MGAM2: variants seen among roughly 807,000 people sequenced by gnomAD.
MGAM2 encodes the protein probable maltase-glucoamylase 2.
A neutral mutation model predicts 96.1 loss-of-function variants in MGAM2; 98 were observed. The observed-to-expected ratio is 1.02, with a 90% CI of 0.87 to 1.21. The LOEUF (loss-of-function observed/expected upper bound fraction) is 1.21. Ranked by LOEUF, MGAM2 falls within the 50% of genes most tolerant of loss-of-function variation. MGAM2 has a pLI of 0.00. For missense variants in MGAM2, 2,055 were observed against 1,182.4 expected (o/e 1.74, Z -10.82); for synonymous variants, 749 against 414.8 (o/e 1.81, Z -9.79).
chr7:142,118,013 T>C (rs746435739), intron 2 of MGAM2, among the ~76,000 whole-genome samples: 6 of 151,276 alleles, frequency 4.0e-5, no homozygotes, highest in Non-Finnish European at 7.4e-5. Context: ...GTTTTTATTG[T>C]GGTAAGAACA....
rs568455696 is a variant in MGAM2, at chr7:142,194,027, T to G, written c.4347-2127T>G. Among the ~76,000 whole-genome samples, 98 of 142,870 alleles carry G rather than the reference T, an allele frequency of 6.9e-4. 1 individual carries two copies. In the South Asian group the frequency reaches 0.02, roughly 29 times the overall value. The allele number at this position is 142,870 out of a possible 152,430, so 93.7% of individuals were successfully genotyped here. The stretch of plus-strand genomic sequence containing the variant: ...AAACCTGTCCTCCTGCAGTCTTTTC[T>G]TTCTTCTTCTTTTTTTTTTTTTTAA... On this transcript the variant is annotated intron_variant, in intron 37 of 47. Transcript: ENST00000477922.
At chr7:142,119,258 A>C (rs189363205) in intron 2 of MGAM2, among the ~76,000 whole-genome samples, 215 of 152,364 alleles carry the variant, frequency 1.4e-3, no homozygotes, top group Admixed American at 3.7e-3. Context: ...TAAATGAGTA[A>C]AACATTTAAA....
intron 32 of MGAM2, among the ~76,000 whole-genome samples, chr7:142,180,492 A>G (rs73547343): frequency 0.12 from 18,307 of 152,190 alleles, 1,528 homozygotes; most frequent in African/African-American, 0.24. Flanking sequence ...ACTTATGGCT[A>G]TAAACTTTCC....
Position 142,218,441 on chromosome 7 carries a change from G to C in MGAM2, c.5268G>C (p.Trp1756Cys). 1 of 702,574 alleles carries C rather than the reference G, an allele frequency of 1.4e-6. No homozygotes were observed. Among genetic ancestry groups the C allele is most frequent in the South Asian group, 1.5e-5 (1 of 67,540 alleles). 43.5% of individuals were successfully genotyped at this position (702,574 alleles called of 1,614,324 possible). ...NPLKVGYIRI[W>C]GVNTYVTQVS... ...TAAAAGTTGGGTATATTAGAATCTG[G>C]GGTGTGAATACCTATGTGACACAAG... Residue 1756 changes from tryptophan to cysteine, a missense_variant, in exon 47 of 48, where the codon TGG becomes TGC. By Grantham distance (215) the Trp-to-Cys change is radical (BLOSUM62 -2). Coordinates refer to ENST00000477922, the MANE Select transcript of MGAM2 (RefSeq NM_001293626.2).
Position 142,219,999 on chromosome 7 carries a change from T to C in MGAM2, c.5488T>C (p.Ser1830Pro), listed in dbSNP as rs1797870282. 2 of 702,710 alleles carry C rather than the reference T, an allele frequency of 2.8e-6. No individual in the cohort carries two copies. The highest frequency in any genetic ancestry group is 5.2e-6 in the Non-Finnish European group (2 of 384,944). The allele number at this position is 702,710 out of a possible 1,614,324, so 43.5% of individuals were successfully genotyped here. ...TACCATCCCAATGAGTTCTCATCCT[T>C]CTCCATCTACTACCAATGCCACCAG... ...TSTIPMSSHP[S>P]PSTTNATSSE... Residue 1830 changes from serine (S) to proline (P), a missense_variant, in exon 48 of 48, where the codon TCT becomes CCT. By Grantham distance (74) the Ser-to-Pro change is moderately conservative. Coordinates refer to ENST00000477922, the MANE Select transcript of MGAM2 (RefSeq NM_001293626.2).
intron 32 of MGAM2, among the ~76,000 whole-genome samples, chr7:142,180,543 A>G (rs1409698240): frequency 6.6e-6 from 1 of 152,162 alleles, no homozygotes; most frequent in African/African-American, 2.4e-5. Context: ...AATATTTCAT[A>G]GGGATTCTCT....
rs982268539 is a variant in MGAM2 at position 142,186,042 on chromosome 7, G to T, written c.4041G>T (p.Ala1347=). 4 of 705,036 alleles carry T rather than the reference G, an allele frequency of 5.7e-6. No individual in the cohort carries two copies. The highest frequency in any genetic ancestry group is 4.4e-5 in the South Asian group (3 of 67,600). The allele number at this position is 705,036 out of a possible 1,614,324, so 43.7% of individuals were successfully genotyped here. Residue 1347 remains alanine (A), a synonymous_variant, in exon 35 of 48, where the codon GCG becomes GCT. Transcript: ENST00000477922. ...FPDFFRNSTA[A]WWKKEIEELY... ...ACTTCTTTCGTAATAGCACAGCTGC[G>T]TGGTGGAAGAAAGAGATAGAAGAGC...
At position 142,116,891 on chromosome 7, in the gene MGAM2, T is replaced by G; in HGVS notation, c.18T>G (p.Ser6Arg). The G allele has an allele frequency of 1.4e-6, 1 of 703,526 alleles. No individual in the cohort carries two copies. The highest frequency in any genetic ancestry group is 1.5e-5 in the South Asian group (1 of 67,586). 43.6% of individuals were successfully genotyped at this position (703,526 alleles called of 1,614,324 possible). A position where few individuals can be genotyped will look rare whatever the true frequency, so the allele number is the denominator to read the frequency against. ...CTATCTAGATGGCGAGGAAGCTCAG[T>G]GTATTGGAAGTCCTTCTGATCATCT... MARKL[S>R]VLEVLLIIFC... Residue 6 changes from serine to arginine, a missense_variant, in exon 2 of 48, where the codon AGT becomes AGG. Transcript: ENST00000477922.
At chr7:142,160,508 G>A (rs1795856191) in intron 21 of MGAM2, among the ~76,000 whole-genome samples, 1 of 152,040 alleles carries the variant, frequency 6.6e-6, no homozygotes, top group African/African-American at 2.4e-5. Flanking sequence ...ACTAGTCAAA[G>A]TAATCACTGA....
intron 12 of MGAM2, among the ~76,000 whole-genome samples, chr7:142,142,534 T>TTTTTTTC (rs1289102256): frequency 7.1e-6 from 1 of 141,740 alleles, no homozygotes; most frequent in Non-Finnish European, 1.5e-5. Context: ...GTTTTTTTTT[T>TTTTTTTC]TTTTTTTTTT....
chr7:142,189,131 T>C (rs975372737), intron 36 of MGAM2, among the ~76,000 whole-genome samples: 1 of 152,210 alleles, frequency 6.6e-6, no homozygotes, highest in African/African-American at 2.4e-5. Context: ...ATAAATTAAA[T>C]CAGAGTTGGT....
intron 15 of MGAM2, among the ~76,000 whole-genome samples, chr7:142,149,748 A>C (rs868398833): frequency 1.3e-5 from 2 of 151,086 alleles, no homozygotes; most frequent in African/African-American, 2.4e-5. Context: ...TCACAGCGTT[A>C]GCCAGGATGG....
chr7:142,184,675 TA>T (rs2129095646), intron 33 of MGAM2, among the ~76,000 whole-genome samples: 1 of 152,330 alleles, frequency 6.6e-6, no homozygotes, highest in East Asian at 1.9e-4. Flanking sequence ...CGATAGTGCT[TA>T]AAAGTATTGA....
At chr7:142,140,489 A>G (rs1795188485) in intron 10 of MGAM2, among the ~76,000 whole-genome samples, 1 of 152,216 alleles carries the variant, frequency 6.6e-6, no homozygotes. Flanking sequence ...AACCATTTAA[A>G]GAGCGTCTGT....
chr7:142,220,822 C>T lies in MGAM2; in HGVS notation c.6311C>T (p.Pro2104Leu), dbSNP rs1015790245. ...GCTACCGTTCCCATTTCAGTGACTC[C>T]TTCTCTGACAAGTACTGCTGATGCC... ...TIATVPISVT[P>L]SLTSTADATI... The change falls in exon 48 of 48, where the codon CCT becomes CTT. Residue 2104 changes from proline (P) to leucine (L), a missense_variant. By Grantham distance (98) the Pro-to-Leu change is moderately conservative. Transcript: ENST00000477922. The T allele has an allele frequency of 6.4e-5, 45 of 701,928 alleles. 1 individual carries two copies. The Admixed American group carries it at 8.8e-4, about 14-fold the overall frequency. The allele number at this position is 701,928 out of a possible 1,614,324, so 43.5% of individuals were successfully genotyped here.
intron 6 of MGAM2, 67 bp downstream of exon 6, chr7:142,132,152 C>CT (rs1326632326): frequency 5.5e-5 from 34 of 615,370 alleles, no homozygotes; most frequent in Middle Eastern, 2.6e-4. Context: ...TTCTGATTTA[C>CT]TGGGGGTGGG....
At chr7:142,188,346 C>T (rs1240812484) in intron 36 of MGAM2, among the ~76,000 whole-genome samples, 1 of 152,050 alleles carries the variant, frequency 6.6e-6, no homozygotes, top group Non-Finnish European at 1.5e-5. Context: ...AAATGACTCA[C>T]TTCTAAAAGT....
chr7:142,136,498 C>A, intron 7 of MGAM2, 43 bp from the exon 8 acceptor site: 1 of 597,992 alleles, frequency 1.7e-6, no homozygotes, highest in Non-Finnish European at 3.0e-6. Context: ...TGAAAACTTT[C>A]TCAACACATA....
intron 3 of MGAM2, among the ~76,000 whole-genome samples, chr7:142,126,849 A>G (rs1353365851): frequency 6.6e-6 from 1 of 152,190 alleles, no homozygotes; most frequent in African/African-American, 2.4e-5. Context: ...CACTATAGTA[A>G]TATCAGTGTG....
Sources: allele counts gnomAD v4.1 joint callset (sites outside exome capture counted in the v4.1 genomes callset), GRCh38; gene constraint gnomAD v4.1.1; transcripts MANE v1.5; gene names NCBI Gene and HGNC (gene_info 2026-07-23, HGNC 2026-07-21).